MAP3K3: variants seen among roughly 807,000 people sequenced by gnomAD.
MAP3K3 encodes the protein MAP/ERK kinase kinase 3.
MAP3K3 carries 12 observed loss-of-function variants against 80.9 expected under a neutral mutation model. The observed-to-expected ratio is 0.15, with a 90% CI of 0.10 to 0.24. The LOEUF is 0.24. Among genes scored for constraint, MAP3K3 ranks in the 10% least tolerant of loss-of-function variants. The pLI, the probability that MAP3K3 is intolerant of heterozygous loss-of-function variation, is 1.00. For missense variants in MAP3K3, 596 were observed against 834.7 expected (o/e 0.71, Z 3.52); for synonymous variants, 272 against 307.1 (o/e 0.89, Z 1.19).
chr17:63,656,050 T>C (rs1442837135), intron 4 of MAP3K3, among the ~76,000 whole-genome samples: 2 of 151,396 alleles, frequency 1.3e-5, no homozygotes, highest in Non-Finnish European at 2.9e-5. Context: ...GACAACATGG[T>C]GAAACCCCAT....
intron 3 of MAP3K3, among the ~76,000 whole-genome samples, chr17:63,648,552 G>C (rs1263075951): frequency 6.6e-6 from 1 of 152,196 alleles, no homozygotes; most frequent in Non-Finnish European, 1.5e-5. Flanking sequence ...TGGGCCGGGT[G>C]TGGTGGCTCA....
chr17:63,649,070 A>G (rs937649008), intron 3 of MAP3K3, among the ~76,000 whole-genome samples: 2 of 152,190 alleles, frequency 1.3e-5, no homozygotes, highest in African/African-American at 4.8e-5. Flanking sequence ...CAGTACACAT[A>G]TGGCTGCTGT....
chr17:63,666,098 C>G lies in MAP3K3; in HGVS notation c.382-842C>G, dbSNP rs1345927494. ...TAAGCTTTCTCAGTGCAAAGGCCCC[C>G]CTTTGTTGCTTAGTTTTCTCTGGCG... On this transcript the variant is annotated intron_variant, in intron 5 of 15. Coordinates refer to ENST00000361733, the MANE Select transcript of MAP3K3 (RefSeq NM_002401.5). Among the ~76,000 whole-genome samples, 3 of 152,112 alleles carry G rather than the reference C, an allele frequency of 2.0e-5. No individual in the cohort carries two copies. The East Asian group carries it at 5.8e-4, about 29-fold the overall frequency.
At position 63,632,763 on chromosome 17, in the gene MAP3K3, G is replaced by C; in HGVS notation, c.87G>C (p.Glu29Asp). ...GACGTCACCGGATGCCTGGATATGA[G>C]ACCATGAAGAACAAAGACACAGGTC... The part of the protein sequence containing the change: ...MNRRHRMPGY[E>D]TMKNKDTGHS... Residue 29 changes from glutamate to aspartate, a missense_variant, in exon 2 of 16, where the codon GAG (glutamate) becomes GAC (aspartate). Physicochemically the swap from Glu to Asp is conservative, Grantham distance 45 (BLOSUM62 2). Around this residue, in one of 2 missense-constraint regions of MAP3K3, gnomAD observed 232 missense variants for 245.8 expected, o/e 0.94. Coordinates refer to ENST00000361733, the MANE Select transcript of MAP3K3 (RefSeq NM_002401.5). 6.2e-7 allele frequency: 1 copy of C among 1,614,112 alleles called. No individual in the cohort carries two copies. Among genetic ancestry groups the C allele is most frequent in the East Asian group, 2.2e-5 (1 of 44,882 alleles).
intron 5 of MAP3K3, among the ~76,000 whole-genome samples, chr17:63,663,460 C>T (rs2034936598): frequency 6.6e-6 from 1 of 151,652 alleles, no homozygotes; most frequent in African/African-American, 2.4e-5. Flanking sequence ...CGAGATTGTG[C>T]CATTGCACTC....
At position 63,690,425 on chromosome 17, in the gene MAP3K3, C is replaced by T. The variant is rs370542508; in HGVS notation, c.1212+13C>T. The T allele has an allele frequency of 9.3e-6, 15 of 1,611,324 alleles. No homozygotes were observed. The highest frequency in any genetic ancestry group is 2.7e-5 in the African/African-American group (2 of 74,830). On this transcript the variant is annotated intron_variant, in intron 12 of 15. Transcript: ENST00000361733. The stretch of plus-strand genomic sequence containing the variant: ...TGAGACAAGCAAGGTACACTTAACC[C>T]GTGGTCTGACTTCAGTTCCCTCCTT...
chr17:63,681,607 T>G (rs1346259673), intron 6 of MAP3K3, among the ~76,000 whole-genome samples, 159 bp from the exon 7 acceptor site: 1 of 152,180 alleles, frequency 6.6e-6, no homozygotes, highest in African/African-American at 2.4e-5. Flanking sequence ...GGAAGGGACT[T>G]TGTTTGCCTG....
At position 63,691,927 on chromosome 17, in the gene MAP3K3, C is replaced by A; in HGVS notation, c.1474+65C>A. ...GTTCAAGTCTACCATTGAGTGCCTG[C>A]AGGGGCCAATCACTTAACCATTCTG... On this transcript the variant is annotated intron_variant, in intron 14 of 15. Coordinates refer to ENST00000361733, the MANE Select transcript of MAP3K3 (RefSeq NM_002401.5). The surrounding 1 kb of genome is among the most constrained non-coding windows in gnomAD (Gnocchi z 4.8). 1 of 1,547,368 alleles carries A rather than the reference C, an allele frequency of 6.5e-7. No individual in the cohort carries two copies. Among genetic ancestry groups the A allele is most frequent in the Non-Finnish European group, 8.9e-7 (1 of 1,126,978 alleles).
chr17:63,691,051 G>T lies in MAP3K3; in HGVS notation c.1213-51G>T. Reference sequence around the variant, plus strand: ...AGGGCAAGCTGAGCTGAACCCAGGCGGGCAGAACTAGGGCCCTGAGAGCTG... The same window carrying T: ...AGGGCAAGCTGAGCTGAACCCAGGCTGGCAGAACTAGGGCCCTGAGAGCTG... On this transcript the variant is annotated intron_variant, in intron 12 of 15. Coordinates refer to ENST00000361733, the MANE Select transcript of MAP3K3 (RefSeq NM_002401.5). The surrounding 1 kb of genome is among the most constrained non-coding windows in gnomAD (Gnocchi z 4.8). 6.2e-7 allele frequency: 1 copy of T among 1,608,882 alleles called. No individual in the cohort carries two copies.
chr17:63,646,405 C>A lies in MAP3K3; in HGVS notation c.167+331C>A, dbSNP rs76109977. Among the ~76,000 whole-genome samples the A allele has an allele frequency of 9.4e-3, 1,430 of 152,262 alleles. 11 individuals are homozygous for A. Among genetic ancestry groups the A allele is most frequent in the Middle Eastern group, 0.051 (15 of 292 alleles). The stretch of plus-strand genomic sequence containing the variant: ...TTTCAGACACACTGACACTGTGTCA[C>A]CTGTGGGCATTAGAGGGAGGGCAGG... On this transcript the variant is annotated intron_variant, in intron 3 of 15. Coordinates refer to ENST00000361733, the MANE Select transcript of MAP3K3 (RefSeq NM_002401.5).
intron 1 of MAP3K3, among the ~76,000 whole-genome samples, chr17:63,623,789 T>C (rs1196569599): frequency 2.0e-5 from 3 of 152,208 alleles, no homozygotes. Flanking sequence ...TAAATAATAA[T>C]AAAAGGGTAA....
rs2034053504 is a variant in MAP3K3 at position 63,624,203 on chromosome 17, GAC to G, written c.4+1444_4+1445del. 2.6e-5 allele frequency among the ~76,000 whole-genome samples: 4 copies of G among 152,246 alleles called. No homozygotes were observed. The South Asian group carries it at 8.3e-4, about 32-fold the overall frequency. ...GTTTATTGAATTTTTTTATAGATGA[GAC>G]ACAGAATTCTTGTCTACCCCAGGAT... On this transcript the variant is annotated intron_variant, in intron 1 of 15. Transcript: ENST00000361733.
At chr17:63,641,810 T>G (rs1399207846) in intron 2 of MAP3K3, among the ~76,000 whole-genome samples, 1 of 151,048 alleles carries the variant, frequency 6.6e-6, no homozygotes, top group Non-Finnish European at 1.5e-5. Flanking sequence ...AAGTCAGAAG[T>G]CGCAAGGTTG....
intron 2 of MAP3K3, among the ~76,000 whole-genome samples, chr17:63,635,499 A>G (rs1410436354): frequency 1.3e-5 from 2 of 152,248 alleles, no homozygotes; most frequent in Non-Finnish European, 2.9e-5. Flanking sequence ...GAAGTGTAGC[A>G]GATGTTTTGC....
chr17:63,690,603 G>A, intron 12 of MAP3K3, 191 bp downstream of exon 12: 1 of 620,494 alleles, frequency 1.6e-6, no homozygotes, highest in Middle Eastern at 3.2e-4. Context: ...AGCACCTGGA[G>A]GGGAGGGATT....
intron 1 of MAP3K3, among the ~76,000 whole-genome samples, chr17:63,631,292 A>T (rs1459611422): frequency 1.3e-5 from 2 of 152,244 alleles, no homozygotes; most frequent in African/African-American, 4.8e-5. Flanking sequence ...TGTTTCAGTC[A>T]GTCAGTCAAT....
In MAP3K3 at chr17:63,689,025, A is replaced by G. The variant is rs1309471693; in HGVS notation, c.871+144A>G. On this transcript the variant is annotated intron_variant, in intron 10 of 15. Coordinates refer to ENST00000361733, the MANE Select transcript of MAP3K3 (RefSeq NM_002401.5). The surrounding 1 kb of genome is among the most constrained non-coding windows in gnomAD (Gnocchi z 4.3). ...CCAGACTTGAGGCATGGGAGACAGGAAAAAAACAAAAACAAAAACAGGGAA... is the reference window on the plus strand; with the variant it reads ...CCAGACTTGAGGCATGGGAGACAGGGAAAAAACAAAAACAAAAACAGGGAA... The G allele has an allele frequency of 4.8e-6, 3 of 631,508 alleles. No homozygotes were observed. Among genetic ancestry groups the G allele is most frequent in the African/African-American group, 1.8e-5 (1 of 54,218 alleles). 39.1% of individuals were successfully genotyped at this position (631,508 alleles called of 1,614,324 possible). A position where few individuals can be genotyped will look rare whatever the true frequency, so the allele number is the denominator to read the frequency against.
intron 2 of MAP3K3, among the ~76,000 whole-genome samples, chr17:63,637,460 A>G (rs1269114206): frequency 6.6e-6 from 1 of 152,224 alleles, no homozygotes; most frequent in East Asian, 1.9e-4. Flanking sequence ...TCTGAAATAT[A>G]GACTTAATAC....
intron 5 of MAP3K3, among the ~76,000 whole-genome samples, chr17:63,665,739 A>G (rs1162127664): frequency 6.6e-6 from 1 of 152,096 alleles, no homozygotes; most frequent in Admixed American, 6.5e-5. Context: ...CAGCAAGAAC[A>G]TTCACTTCCC....
Sources: allele counts gnomAD v4.1 joint callset (sites outside exome capture counted in the v4.1 genomes callset), GRCh38; gene constraint gnomAD v4.1.1; regional missense constraint gnomAD v4.1.1; non-coding constraint Gnocchi (gnomAD v3.1); transcripts MANE v1.5; gene names NCBI Gene and HGNC (gene_info 2026-07-23, HGNC 2026-07-21).